Variants in TMEM44 observed in about 807,000 individuals in gnomAD.
TMEM44 encodes transmembrane protein 44.
In TMEM44, 43 loss-of-function variants were observed where a neutral mutation model predicts 47.8. The observed-to-expected ratio is 0.90, with a 90% CI of 0.70 to 1.16. TMEM44 has a LOEUF of 1.16. TMEM44 is among the 50% of genes most tolerant of loss of function. The pLI, the probability that TMEM44 is intolerant of heterozygous loss-of-function variation, is 0.00. For synonymous variants in TMEM44, 277 were observed against 238.8 expected, an observed-to-expected ratio of 1.16 and a Z score of -1.48; for missense variants, 568 against 555.2, an observed-to-expected ratio of 1.02 and a Z score of -0.23.
chr3:194,606,625 T>G (rs1433493801), intron 8 of TMEM44, among the ~76,000 whole-genome samples: 1 of 152,134 alleles, frequency 6.6e-6, no homozygotes, highest in East Asian at 1.9e-4. Flanking sequence ...AATAACATTA[T>G]TAATTGTTAA....
At chr3:194,599,711 A>AG (rs759618997) in intron 9 of TMEM44, among the ~76,000 whole-genome samples, 58 of 150,914 alleles carry the variant, frequency 3.8e-4, no homozygotes, top group Non-Finnish European at 7.2e-4. Context: ...CAGCCTCCTG[A>AG]GTAGCTGGGA....
chr3:194,602,892 AT>A (rs1453488313), intron 9 of TMEM44, among the ~76,000 whole-genome samples: 1 of 152,192 alleles, frequency 6.6e-6, no homozygotes, highest in African/African-American at 2.4e-5. Flanking sequence ...CTAATTGATT[AT>A]TTTGCCAAAT....
intron 8 of TMEM44, 39 bp downstream of exon 8, chr3:194,610,877 A>T: frequency 6.3e-7 from 1 of 1,578,138 alleles, no homozygotes; most frequent in Non-Finnish European, 8.7e-7. Context: ...ACTGCTTCCC[A>T]TCCTCTCAGA....
At chr3:194,618,448 C>A (rs1716176639) in intron 5 of TMEM44, among the ~76,000 whole-genome samples, 1 of 149,008 alleles carries the variant, frequency 6.7e-6, no homozygotes, top group African/African-American at 2.5e-5. Context: ...TTATATTAAA[C>A]TCATTAGATG....
At position 194,604,247 on chromosome 3, in the gene TMEM44, TG is replaced by T. The variant is rs1306255641; in HGVS notation, c.1176+39del. 4.5e-6 allele frequency: 7 copies of T among 1,561,816 alleles called. No individual in the cohort carries two copies. The African/African-American group carries it at 9.5e-5, about 21-fold the overall frequency. ...GCACCCAGCAAGTGTCGGCGAACGA[TG>T]GCACCCACGCACCCGCCCAGCAGGC... On this transcript the variant is annotated intron_variant, in intron 9 of 9. Transcript: ENST00000347147.
intron 7 of TMEM44, 61 bp downstream of exon 7, chr3:194,615,508 C>A: frequency 1.3e-6 from 2 of 1,588,946 alleles, no homozygotes; most frequent in Middle Eastern, 3.9e-4. Context: ...TGCTGTTTCT[C>A]AAGATACTGT....
intron 3 of TMEM44, among the ~76,000 whole-genome samples, chr3:194,625,015 C>A (rs1716988751): frequency 1.3e-5 from 2 of 152,124 alleles, no homozygotes; most frequent in Admixed American, 1.3e-4. Flanking sequence ...CCATGCCCGG[C>A]CCCCTCATCC....
At chr3:194,623,342 T>C in intron 4 of TMEM44, 32 bp from the exon 5 acceptor site, 1 of 1,579,164 alleles carries the variant, frequency 6.3e-7, no homozygotes, top group Non-Finnish European at 8.6e-7. Context: ...CCACCATCAG[T>C]ACTCTGCAGA....
At position 194,623,205 on chromosome 3, in the gene TMEM44, TCCCCA is replaced by T; in HGVS notation, c.612+14_612+18del. Reference sequence around the variant, plus strand: ...GACTGTCATGTGACCCACAGTCCCATCCCCACCCCCGGCCTCACAATTCTGGAGAG... The same window carrying T: ...GACTGTCATGTGACCCACAGTCCCATCCCCCGGCCTCACAATTCTGGAGAG... On this transcript the variant is annotated intron_variant, in intron 5 of 9. Transcript: ENST00000347147. The T allele has an allele frequency of 6.3e-7, 1 of 1,592,978 alleles. No individual in the cohort carries two copies.
rs534517547 is a variant in TMEM44, at chr3:194,598,067, C to G, written c.1176+6220G>C. On this transcript the variant is annotated intron_variant, in intron 9 of 9. Coordinates refer to ENST00000347147, the MANE Select transcript of TMEM44 (RefSeq NM_001011655.3). Reference sequence around the variant, plus strand: ...GTAAATGAATGAATGGATGGATCCACAGTCTCCGTGGAGTATGCCGTCTGC... The same window carrying G: ...GTAAATGAATGAATGGATGGATCCAGAGTCTCCGTGGAGTATGCCGTCTGC... 2.0e-5 allele frequency among the ~76,000 whole-genome samples: 3 copies of G among 152,344 alleles called. No individual in the cohort carries two copies. The South Asian group carries it at 6.2e-4, about 32-fold the overall frequency.
intron 1 of TMEM44, 23 bp downstream of exon 1, chr3:194,633,056 C>CGCCCGACAGCT: frequency 6.5e-7 from 1 of 1,546,394 alleles, no homozygotes; most frequent in Non-Finnish European, 8.7e-7. Context: ...GCCCGACAGC[C>CGCCCGACAGCT]CCCCGACCCG....
At chr3:194,620,611 G>A (rs906739667) in intron 5 of TMEM44, among the ~76,000 whole-genome samples, 3 of 152,202 alleles carry the variant, frequency 2.0e-5, no homozygotes, top group African/African-American at 7.2e-5. Context: ...GCACATTTCA[G>A]GTTGTTACAA....
rs1289109661 is a variant in TMEM44 at position 194,620,346 on chromosome 3, G to A, written c.612+2878C>T. Among the ~76,000 whole-genome samples the A allele has an allele frequency of 2.0e-5, 3 of 149,834 alleles. No homozygotes were observed. The East Asian group carries it at 5.9e-4, about 29-fold the overall frequency. ...AGGGCCCACCCCCAACCTCTTCCCT[G>A]TCTTGGTTCTGTTCTCTGAGACTTA... On this transcript the variant is annotated intron_variant, in intron 5 of 9. Transcript: ENST00000347147.
chr3:194,600,861 C>T (rs1331254145), intron 9 of TMEM44, among the ~76,000 whole-genome samples: 1 of 152,190 alleles, frequency 6.6e-6, no homozygotes, highest in African/African-American at 2.4e-5. Context: ...AGTCTATATT[C>T]AGTCTATATT....
intron 7 of TMEM44, among the ~76,000 whole-genome samples, chr3:194,615,088 A>G (rs1715732918): frequency 6.6e-6 from 1 of 152,042 alleles, no homozygotes; most frequent in Non-Finnish European, 1.5e-5. Flanking sequence ...TAAAAATACA[A>G]AATATTAGCC....
chr3:194,595,899 A>G (rs902307730), intron 9 of TMEM44, among the ~76,000 whole-genome samples: 4 of 152,132 alleles, frequency 2.6e-5, no homozygotes, highest in Non-Finnish European at 5.9e-5. Context: ...TGCTGGGATT[A>G]CAAGCGTGAG....
chr3:194,594,851 A>G (rs1220660513), intron 9 of TMEM44, among the ~76,000 whole-genome samples: 1 of 152,216 alleles, frequency 6.6e-6, no homozygotes, highest in Non-Finnish European at 1.5e-5. Context: ...TTAAATCTTC[A>G]GCGTTATGGG....
intron 2 of TMEM44, 92 bp downstream of exon 2, chr3:194,628,291 C>T: frequency 6.7e-7 from 1 of 1,489,758 alleles, no homozygotes; most frequent in Non-Finnish European, 9.0e-7. Flanking sequence ...GTTGCAGCAA[C>T]AAGACAAAAG....
intron 9 of TMEM44, among the ~76,000 whole-genome samples, chr3:194,595,511 T>G (rs1398216685): frequency 6.6e-6 from 1 of 152,146 alleles, no homozygotes; most frequent in Non-Finnish European, 1.5e-5. Context: ...ACTCTTACCT[T>G]TGGGGAGAAG....
Sources: allele counts gnomAD v4.1 joint callset (sites outside exome capture counted in the v4.1 genomes callset), GRCh38; gene constraint gnomAD v4.1.1; transcripts MANE v1.5; gene names NCBI Gene and HGNC (gene_info 2026-07-23, HGNC 2026-07-21).